Variants in CDH12 observed in about 807,000 individuals in gnomAD.
CDH12 encodes the protein cadherin-12.
CDH12 carries 41 observed loss-of-function variants against 74.1 expected under a neutral mutation model. That is an observed-to-expected ratio of 0.55 (90% CI 0.43 to 0.72). CDH12 has a LOEUF of 0.72. Ranked by LOEUF, CDH12 falls within the 30% of genes least tolerant of loss-of-function variation. CDH12 has a pLI of 0.00. For missense variants in CDH12, 945 were observed against 977.2 expected (o/e 0.97, Z 0.44); for synonymous variants, 399 against 355.0 (o/e 1.12, Z -1.39).
At chr5:22,670,701 A>G (rs1322371527) in intron 1 of CDH12, among the ~76,000 whole-genome samples, 2 of 152,052 alleles carry the variant, frequency 1.3e-5, no homozygotes, top group African/African-American at 2.4e-5. Context: ...CATGTGAACT[A>G]TACATATTTT....
intron 8 of CDH12, among the ~76,000 whole-genome samples, chr5:21,838,158 A>T (rs756656308): frequency 6.6e-6 from 1 of 152,234 alleles, no homozygotes; most frequent in Non-Finnish European, 1.5e-5. Flanking sequence ...TATAGGCCTC[A>T]GTTTCTTAAC....
intron 1 of CDH12, among the ~76,000 whole-genome samples, chr5:22,618,193 G>A (rs1737785638): frequency 6.6e-6 from 1 of 152,036 alleles, no homozygotes; most frequent in Non-Finnish European, 1.5e-5. Context: ...AATAATGACT[G>A]CAATATGATT....
At chr5:21,761,274 G>A (rs908996909) in intron 12 of CDH12, among the ~76,000 whole-genome samples, 2 of 151,988 alleles carry the variant, frequency 1.3e-5, no homozygotes, top group Admixed American at 6.6e-5. Flanking sequence ...GCTTCCATAC[G>A]TTGTGTATCT....
chr5:22,587,936 A>G (rs1440844135), intron 1 of CDH12, among the ~76,000 whole-genome samples: 1 of 148,368 alleles, frequency 6.7e-6, no homozygotes, highest in African/African-American at 2.5e-5. Flanking sequence ...AGATTTATAT[A>G]TATATTATCC....
chr5:22,780,610 C>T (rs1268356342), intron 1 of CDH12, among the ~76,000 whole-genome samples: 1 of 152,070 alleles, frequency 6.6e-6, no homozygotes, highest in African/African-American at 2.4e-5. Context: ...ATGGGGATAA[C>T]TGCCCCCATG....
At chr5:22,079,234 G>T (rs921053271) in intron 4 of CDH12, among the ~76,000 whole-genome samples, 25 of 152,126 alleles carry the variant, frequency 1.6e-4, no homozygotes, top group African/African-American at 5.5e-4. Flanking sequence ...ATTCATTATT[G>T]CTGGGAAGCT....
intron 6 of CDH12, among the ~76,000 whole-genome samples, chr5:21,921,834 G>A (rs1225055783): frequency 6.6e-6 from 1 of 152,132 alleles, no homozygotes; most frequent in Non-Finnish European, 1.5e-5. Context: ...TGTTCAAAAC[G>A]TTTTTCTGTG....
chr5:22,298,798 G>T (rs1737740229), intron 3 of CDH12, among the ~76,000 whole-genome samples: 1 of 152,080 alleles, frequency 6.6e-6, no homozygotes, highest in South Asian at 2.1e-4. Context: ...AATATCCAAA[G>T]ATTTCATTCA....
At chr5:22,309,956 A>G (rs372593290) in intron 3 of CDH12, among the ~76,000 whole-genome samples, 1 of 141,214 alleles carries the variant, frequency 7.1e-6, no homozygotes, top group Non-Finnish European at 1.5e-5. Flanking sequence ...TTTAAAAAAA[A>G]AAACATGGAC....
intron 4 of CDH12, among the ~76,000 whole-genome samples, chr5:22,134,501 T>G (rs1746350271): frequency 6.6e-6 from 1 of 151,204 alleles, no homozygotes; most frequent in Admixed American, 6.6e-5. Context: ...GCGTGGGTGG[T>G]GACATTGAAT....
intron 6 of CDH12, among the ~76,000 whole-genome samples, chr5:21,864,321 A>C (rs530500720): frequency 6.6e-6 from 1 of 152,318 alleles, no homozygotes; most frequent in African/African-American, 2.4e-5. Flanking sequence ...CATGTGAGTC[A>C]GTGGATTGGA....
At chr5:21,939,550 T>C (rs1353874108) in intron 6 of CDH12, among the ~76,000 whole-genome samples, 1 of 152,086 alleles carries the variant, frequency 6.6e-6, no homozygotes, top group Non-Finnish European at 1.5e-5. Context: ...AAAAGCATTT[T>C]GCCCTCACAA....
chr5:21,781,024 A>C (rs1346632970), intron 11 of CDH12, among the ~76,000 whole-genome samples: 1 of 152,160 alleles, frequency 6.6e-6, no homozygotes, highest in Non-Finnish European at 1.5e-5. Flanking sequence ...TTCTCCCTAT[A>C]ATATGACTGC....
intron 1 of CDH12, among the ~76,000 whole-genome samples, chr5:22,788,130 A>G (rs759816620): frequency 6.6e-6 from 1 of 152,288 alleles, no homozygotes; most frequent in Non-Finnish European, 1.5e-5. Flanking sequence ...TTGACAGGAC[A>G]TGGTCATTTC....
intron 1 of CDH12, among the ~76,000 whole-genome samples, chr5:22,705,365 G>A (rs984127004): frequency 2.0e-5 from 3 of 151,840 alleles, no homozygotes; most frequent in Non-Finnish European, 4.4e-5. Context: ...ATCCAAAATC[G>A]TGTCATCTAA....
chr5:22,760,288 A>G (rs190295349), intron 1 of CDH12, among the ~76,000 whole-genome samples: 63 of 152,344 alleles, frequency 4.1e-4, no homozygotes, highest in Non-Finnish European at 7.5e-4. Flanking sequence ...AATAGGTGAT[A>G]AGATTCATGA....
intron 2 of CDH12, among the ~76,000 whole-genome samples, chr5:22,418,271 G>GCTTGT (rs1743486946): frequency 6.6e-6 from 1 of 152,072 alleles, no homozygotes; most frequent in African/African-American, 2.4e-5. Flanking sequence ...GTATAAGAAT[G>GCTTGT]CTTGTGATTT....
chr5:21,928,227 C>T (rs934609084), intron 6 of CDH12, among the ~76,000 whole-genome samples: 10 of 151,812 alleles, frequency 6.6e-5, no homozygotes, highest in African/African-American at 1.7e-4. Flanking sequence ...AGACCTAGAG[C>T]GGGCTTCAAG....
chr5:21,933,392 G>A (rs1251758733), intron 6 of CDH12, among the ~76,000 whole-genome samples: 1 of 152,112 alleles, frequency 6.6e-6, no homozygotes, highest in East Asian at 1.9e-4. Flanking sequence ...GAACAGGGCA[G>A]AGCATCCATG....
Sources: gnomAD v4.1 joint callset for allele counts (sites outside exome capture counted in the v4.1 genomes callset) on GRCh38, gnomAD v4.1.1 for gene constraint, MANE v1.5 for transcripts, NCBI Gene and HGNC (gene_info 2026-07-23, HGNC 2026-07-21) for gene names.